DRC4: variants seen among roughly 807,000 people sequenced by gnomAD.
DRC4 encodes GAS-11.
At chr16:90,019,718 G>A in the DRC4 span, 1 of 631,902 alleles carries the variant, frequency 1.6e-6, no homozygotes, top group East Asian at 3.2e-5. The surrounding 1 kb of genome is among the most constrained non-coding windows in gnomAD (Gnocchi z 6.1). Context: ...CGGGGCTCCT[G>A]CGCACTCACT....
the DRC4 span, among the ~76,000 whole-genome samples, chr16:90,030,944 G>T: frequency 6.6e-6 from 1 of 152,084 alleles, no homozygotes; most frequent in Non-Finnish European, 1.5e-5. Context: ...CTGGTCTTAG[G>T]TTATTTCCTT....
At chr16:90,042,297 C>G in the DRC4 span, 1 of 663,896 alleles carries the variant, frequency 1.5e-6, no homozygotes, top group East Asian at 2.9e-5. Flanking sequence ...TCCTTGTTTT[C>G]TCTCCACCCT....
the DRC4 span, chr16:90,037,978 G>A: frequency 1.2e-6 from 1 of 804,016 alleles, no homozygotes. Context: ...CCAGGGACGG[G>A]GCTCTCCTTG....
the DRC4 span, chr16:90,036,186 G>A: frequency 9.9e-6 from 6 of 603,448 alleles, no homozygotes; most frequent in Admixed American, 1.6e-4. Flanking sequence ...GGCCGACAGT[G>A]GTGTGTGTGC....
the DRC4 span, among the ~76,000 whole-genome samples, chr16:90,021,460 C>G: frequency 2.0e-5 from 3 of 151,876 alleles, no homozygotes; most frequent in African/African-American, 7.3e-5. Context: ...ATTCTGTTAC[C>G]TAGGCTGGAG....
the DRC4 span, chr16:90,022,622 A>G: frequency 2.3e-6 from 3 of 1,303,290 alleles, no homozygotes; most frequent in South Asian, 1.6e-5. Context: ...GGATCTTGTG[A>G]CTTATCGCGG....
chr16:90,023,226 G>A, the DRC4 span, among the ~76,000 whole-genome samples: 5 of 152,284 alleles, frequency 3.3e-5, no homozygotes, highest in South Asian at 4.1e-4. Context: ...TCTACACCAA[G>A]GAGGCCCGGA....
At chr16:90,042,010 G>A in the DRC4 span, among the ~76,000 whole-genome samples, 3 of 151,776 alleles carry the variant, frequency 2.0e-5, no homozygotes, top group East Asian at 2.0e-4. Flanking sequence ...CAATCTCGGC[G>A]CACTGCAACC....
chr16:90,020,231 C>A, the DRC4 span: 1 of 443,808 alleles, frequency 2.3e-6, no homozygotes, highest in Non-Finnish European at 4.0e-6. Context: ...AATCCCAGCC[C>A]TTTGGGAGGC....
the DRC4 span, among the ~76,000 whole-genome samples, chr16:90,028,744 G>A: frequency 6.6e-6 from 1 of 152,122 alleles, no homozygotes; most frequent in Non-Finnish European, 1.5e-5. Flanking sequence ...CCTCATGGAC[G>A]ACTGCCTGTG....
the DRC4 span, chr16:90,032,700 A>T: frequency 1.2e-6 from 2 of 1,611,738 alleles, no homozygotes; most frequent in Non-Finnish European, 1.7e-6. Flanking sequence ...AGCAGATGGT[A>T]CTCCCATTGC....
chr16:90,031,805 C>G, the DRC4 span, among the ~76,000 whole-genome samples: 1 of 152,158 alleles, frequency 6.6e-6, no homozygotes, highest in African/African-American at 2.4e-5. Context: ...TGCTCTGTGC[C>G]TCAAGTGTAC....
At chr16:90,043,369 C>T in the DRC4 span, 2 of 1,595,862 alleles carry the variant, frequency 1.3e-6, no homozygotes, top group Non-Finnish European at 1.7e-6. Flanking sequence ...GGGCCACAGC[C>T]CAGAGAACCA....
the DRC4 span, chr16:90,035,836 A>G: frequency 6.5e-7 from 1 of 1,547,280 alleles, no homozygotes; most frequent in South Asian, 1.2e-5. Context: ...GAAGTTTCCA[A>G]GGCCAGTGGA....
chr16:90,044,858 A>T, the DRC4 span: 1 of 248,960 alleles, frequency 4.0e-6, no homozygotes, highest in African/African-American at 2.3e-5. Context: ...CCCACAATTT[A>T]TCCCATGAGC....
At chr16:90,020,580 T>TA in the DRC4 span, among the ~76,000 whole-genome samples, 1 of 152,210 alleles carries the variant, frequency 6.6e-6, no homozygotes, top group African/African-American at 2.4e-5. Context: ...TTAAGCCACA[T>TA]ATGTGAAGAA....
the DRC4 span, chr16:90,042,214 G>T: frequency 4.4e-5 from 24 of 542,152 alleles, no homozygotes; most frequent in African/African-American, 4.5e-4. Flanking sequence ...GGGATCACAG[G>T]TGTGAGCGGC....
At chr16:90,039,902 C>T in the DRC4 span, 1 of 289,486 alleles carries the variant, frequency 3.5e-6, no homozygotes, top group Non-Finnish European at 6.9e-6. Context: ...CTCCAAGGGG[C>T]CCCACCTGCA....
chr16:90,022,472 C>G, the DRC4 span: 1 of 437,608 alleles, frequency 2.3e-6, no homozygotes, highest in Non-Finnish European at 4.1e-6. Flanking sequence ...CAGCAATAAG[C>G]AAAACATGCC....
Sources: allele counts gnomAD v4.1 joint callset (sites outside exome capture counted in the v4.1 genomes callset), GRCh38; gene constraint gnomAD v4.1.1; non-coding constraint Gnocchi (gnomAD v3.1); transcripts MANE v1.5; gene names NCBI Gene and HGNC (gene_info 2026-07-23, HGNC 2026-07-21).